Variants in NPHP4 observed in about 807,000 individuals in gnomAD.
NPHP4 encodes the protein nephrocystin-4.
A neutral mutation model predicts 155.8 loss-of-function variants in NPHP4; 151 were observed. The ratio of observed to expected loss-of-function variants is 0.97; its 90% CI spans 0.85 to 1.11. NPHP4 has a LOEUF of 1.11. NPHP4 is among the 50% of genes least tolerant of loss of function. The pLI, the probability that NPHP4 is intolerant of heterozygous loss-of-function variation, is 0.00. For missense variants in NPHP4, 1,956 were observed against 1,925.7 expected, an observed-to-expected ratio of 1.02 and a Z score of -0.29; for synonymous variants, 845 against 816.8, an observed-to-expected ratio of 1.03 and a Z score of -0.59.
intron 23 of NPHP4, among the ~76,000 whole-genome samples, chr1:5,872,457 C>T (rs472651): frequency 0.17 from 25,135 of 152,188 alleles, 2,302 homozygotes; most frequent in South Asian, 0.25. Flanking sequence ...AAGGAAAAAG[C>T]GTTAACCTAG....
intron 9 of NPHP4, among the ~76,000 whole-genome samples, chr1:5,938,886 G>T (rs1350396592): frequency 6.6e-6 from 1 of 152,228 alleles, no homozygotes; most frequent in Non-Finnish European, 1.5e-5. Flanking sequence ...ACAACTGTTA[G>T]AGAACGATGT....
chr1:5,873,174 G>C, intron 23 of NPHP4, 78 bp downstream of exon 23: 1 of 1,276,868 alleles, frequency 7.8e-7, no homozygotes, highest in Non-Finnish European at 1.1e-6. Flanking sequence ...TCCAGGAGGG[G>C]AGAGAAGGAC....
chr1:5,894,930 A>C (rs75757072), intron 16 of NPHP4, among the ~76,000 whole-genome samples: 1 of 152,206 alleles, frequency 6.6e-6, no homozygotes, highest in Non-Finnish European at 1.5e-5. Flanking sequence ...CGTGGAACCA[A>C]CCCAAATGTC....
At chr1:5,957,911 CAAAAT>C (rs1557833619) in intron 6 of NPHP4, among the ~76,000 whole-genome samples, 1 of 152,184 alleles carries the variant, frequency 6.6e-6, no homozygotes, top group Non-Finnish European at 1.5e-5. Context: ...CTGCCCTTAC[CAAAAT>C]CCATTCAAGA....
chr1:5,908,618 C>T (rs1473342193), intron 12 of NPHP4, among the ~76,000 whole-genome samples: 2 of 152,110 alleles, frequency 1.3e-5, no homozygotes, highest in Non-Finnish European at 2.9e-5. Context: ...AGCGGGAAGG[C>T]GCCTCTCCTC....
In NPHP4 at chr1:5,933,173, G is replaced by A; in HGVS notation, c.1276C>T (p.Pro426Ser). The change falls in exon 10 of 30, where the codon CCC becomes TCC. Residue 426 changes from proline to serine, a missense_variant. Pro to Ser is a moderately conservative substitution (Grantham distance 74). Coordinates refer to ENST00000378156, the MANE Select transcript of NPHP4 (RefSeq NM_015102.5). Reference sequence around the variant, plus strand: ...TCTTCAGAGCTCATGCTGGCTGAGGGTACCTTGTAGACCAGACAGTGCGAG... The same window carrying A: ...TCTTCAGAGCTCATGCTGGCTGAGGATACCTTGTAGACCAGACAGTGCGAG... Reference protein sequence around the residue: ...NPSHCLVYKVPSASMSSEEVK... With the variant: ...NPSHCLVYKVSSASMSSEEVK... The A allele has an allele frequency of 6.2e-7, 1 of 1,601,180 alleles. No homozygotes were observed. Among genetic ancestry groups the A allele is most frequent in the Non-Finnish European group, 8.5e-7 (1 of 1,170,574 alleles).
At position 5,948,228 on chromosome 1, in the gene NPHP4, A is replaced by T. The variant is rs1185848760; in HGVS notation, c.834T>A (p.Gly278=). 6.3e-7 allele frequency: 1 copy of T among 1,584,700 alleles called. No homozygotes were observed. The highest frequency in any genetic ancestry group is 8.6e-7 in the Non-Finnish European group (1 of 1,168,550). The change falls in exon 8 of 30, where the codon GGT becomes GGA. Residue 278 remains glycine (G), a synonymous_variant. Coordinates refer to ENST00000378156, the MANE Select transcript of NPHP4 (RefSeq NM_015102.5). ...GGCGCCGCTCCAGGATCTCCAGGGC[A>T]CCACCGTCCAGTGGGCCACATCCCT... ...FQEGCGPLDG[G]ALEILERRLR...
chr1:5,975,274 A>C (rs1653340482), intron 3 of NPHP4, among the ~76,000 whole-genome samples: 1 of 152,240 alleles, frequency 6.6e-6, no homozygotes, highest in Non-Finnish European at 1.5e-5. Flanking sequence ...GAGAATGCCA[A>C]GCACATGGAG....
At chr1:5,989,281 T>C (rs966889526) in intron 1 of NPHP4, among the ~76,000 whole-genome samples, 3 of 152,166 alleles carry the variant, frequency 2.0e-5, no homozygotes, top group Non-Finnish European at 4.4e-5. Context: ...GTGCTACTTT[T>C]AAGCAACCAA....
rs1434331380 is a variant in NPHP4 at position 5,877,104 on chromosome 1, T to C, written c.2806A>G (p.Thr936Ala). 6.3e-7 allele frequency: 1 copy of C among 1,575,454 alleles called. No individual in the cohort carries two copies. The highest frequency in any genetic ancestry group is 1.3e-5 in the African/African-American group (1 of 74,338). ...GAACAAACCCTTACCAACACGCTCG[T>C]CCCGCGCCGGCCCAAGTCTCCCCCG... is the stretch of plus-strand genomic sequence containing the variant. ...EAGGDLGRRG[T>A]SVLAQQSVRT... Residue 936 changes from threonine (T) to alanine (A), a missense_variant, in exon 20 of 30, where the codon ACG (threonine) becomes GCG (alanine). By Grantham distance (58) the Thr-to-Ala change is moderately conservative. Coordinates refer to ENST00000378156, the MANE Select transcript of NPHP4 (RefSeq NM_015102.5).
At chr1:5,893,199 C>G (rs904950368) in intron 16 of NPHP4, among the ~76,000 whole-genome samples, 1 of 152,138 alleles carries the variant, frequency 6.6e-6, no homozygotes, top group African/African-American at 2.4e-5. Flanking sequence ...TGGGTCTCTC[C>G]CCGTGTGCGG....
rs373182062 is a variant in NPHP4 at position 5,904,651 on chromosome 1, G to A, written c.2109C>T (p.Leu703=). ...QPSSGALTHI[L]VPVSRDGTFD... ...AGGTGCCATCTCTGCTCACAGGCAC[G>A]AGGATGTGGGTCAGGGCGCCAGAGC... The change falls in exon 16 of 30, where the codon CTC becomes CTT. Residue 703 remains leucine, a synonymous_variant. Transcript: ENST00000378156. The A allele has an allele frequency of 6.0e-5, 96 of 1,612,898 alleles. No individual in the cohort carries two copies. The African/African-American group carries it at 7.9e-4, about 13-fold the overall frequency.
At chr1:5,918,928 T>C (rs1411859051) in intron 11 of NPHP4, among the ~76,000 whole-genome samples, 1 of 152,232 alleles carries the variant, frequency 6.6e-6, no homozygotes, top group Non-Finnish European at 1.5e-5. Context: ...TTTAAACTAT[T>C]TTAAAGCCCA....
At chr1:5,920,223 G>A (rs1320795545) in intron 11 of NPHP4, among the ~76,000 whole-genome samples, 8 of 152,244 alleles carry the variant, frequency 5.3e-5, no homozygotes, top group Middle Eastern at 3.4e-3. Flanking sequence ...GAGCCACCGC[G>A]CCCGGCCTTA....
chr1:5,891,157 C>T (rs1644105739), intron 16 of NPHP4, 129 bp from the exon 17 acceptor site: 2 of 545,212 alleles, frequency 3.7e-6, no homozygotes, highest in Non-Finnish European at 6.1e-6. Context: ...TTAATAAACA[C>T]ATTAATCAAA....
Position 5,943,031 on chromosome 1 carries a change from C to T in NPHP4, c.1119+4073G>A, listed in dbSNP as rs141524392. ...AGTCAGCAAACATTTCTGGAGCCCA[C>T]ACTTGCATGCATAAGACATTTCAAA... On this transcript the variant is annotated intron_variant, in intron 9 of 29. Transcript: ENST00000378156. Among the ~76,000 whole-genome samples, 552 of 152,294 alleles carry T rather than the reference C, an allele frequency of 3.6e-3. 1 individual carries two copies. Among genetic ancestry groups the T allele is most frequent in the African/African-American group, 0.012 (508 of 41,554 alleles).
chr1:5,876,784 A>C (rs1383419325), intron 20 of NPHP4: 3 of 312,912 alleles, frequency 9.6e-6, no homozygotes, highest in Non-Finnish European at 1.7e-5. Flanking sequence ...TGGTCCCCAG[A>C]CCTGGGAGAG....
At chr1:5,960,512 G>C (rs1335855679) in intron 6 of NPHP4, among the ~76,000 whole-genome samples, 3 of 152,086 alleles carry the variant, frequency 2.0e-5, no homozygotes, top group Non-Finnish European at 4.4e-5. Context: ...TCTCAGCACA[G>C]CACTGCTCTC....
chr1:5,973,920 A>G (rs1653041800), intron 3 of NPHP4, among the ~76,000 whole-genome samples: 1 of 152,184 alleles, frequency 6.6e-6, no homozygotes. Flanking sequence ...ACACGAAGCC[A>G]GCTTCTTGCT....
Sources: gnomAD v4.1 joint callset for allele counts (sites outside exome capture counted in the v4.1 genomes callset) on GRCh38, gnomAD v4.1.1 for gene constraint, MANE v1.5 for transcripts, NCBI Gene and HGNC (gene_info 2026-07-23, HGNC 2026-07-21) for gene names.